The following KCNT2 variants were observed in gnomAD, a reference collection of about 807,000 sequenced individuals.
The protein encoded by KCNT2 is potassium sodium-activated channel subfamily T member 2.
A neutral mutation model predicts 153.8 loss-of-function variants in KCNT2; 67 were observed. The ratio of observed to expected loss-of-function variants is 0.44; its 90% CI spans 0.36 to 0.53. The LOEUF is 0.53. KCNT2 is among the 20% of genes least tolerant of loss of function. The pLI is 0.00. For missense variants in KCNT2, 975 were observed against 1,354.8 expected (o/e 0.72, Z 4.40); for synonymous variants, 500 against 458.8 (o/e 1.09, Z -1.15).
chr1:196,240,602 A>G (rs1053481928), intron 26 of KCNT2, among the ~76,000 whole-genome samples: 2 of 152,058 alleles, frequency 1.3e-5, no homozygotes, highest in Non-Finnish European at 2.9e-5. Context: ...AACAGATAGA[A>G]GGGCAAATGG....
intron 7 of KCNT2, among the ~76,000 whole-genome samples, chr1:196,466,354 A>T (rs758016196): frequency 6.6e-6 from 1 of 151,696 alleles, no homozygotes; most frequent in Non-Finnish European, 1.5e-5. Context: ...CACAGGCCAC[A>T]CTCTCCCACC....
chr1:196,443,795 A>G (rs1325753125), intron 8 of KCNT2, among the ~76,000 whole-genome samples: 1 of 151,532 alleles, frequency 6.6e-6, no homozygotes, highest in Non-Finnish European at 1.5e-5. Flanking sequence ...ATTTGAAAGG[A>G]TTTGGGCACA....
At chr1:196,265,142 T>C (rs1657415394) in intron 25 of KCNT2, among the ~76,000 whole-genome samples, 1 of 152,162 alleles carries the variant, frequency 6.6e-6, no homozygotes, top group Non-Finnish European at 1.5e-5. Context: ...TTGGGTATTA[T>C]CCCATCTATG....
At chr1:196,381,657 G>C (rs13313059) in intron 13 of KCNT2, among the ~76,000 whole-genome samples, 2,534 of 152,152 alleles carry the variant, frequency 0.017, 83 homozygotes, top group African/African-American at 0.057. Flanking sequence ...ACTTAAAATA[G>C]GTAACAGAAT....
At chr1:196,581,723 G>C (rs1204421140) in intron 1 of KCNT2, among the ~76,000 whole-genome samples, 3 of 152,026 alleles carry the variant, frequency 2.0e-5, no homozygotes, top group Non-Finnish European at 1.5e-5. Context: ...TCCCACTCAA[G>C]CATAAATTAA....
chr1:196,452,353 T>C (rs866313401), intron 8 of KCNT2, among the ~76,000 whole-genome samples: 1 of 151,964 alleles, frequency 6.6e-6, no homozygotes, highest in Non-Finnish European at 1.5e-5. Flanking sequence ...ATGCCTCTCA[T>C]TTTCTTTAGT....
chr1:196,397,936 C>A (rs1381892298), intron 13 of KCNT2, among the ~76,000 whole-genome samples: 1 of 150,760 alleles, frequency 6.6e-6, no homozygotes. Flanking sequence ...TCAACATTAG[C>A]GGTTTTTTTT....
At chr1:196,492,365 G>T in intron 1 of KCNT2, 24 bp from the exon 2 acceptor site, 1 of 1,322,046 alleles carries the variant, frequency 7.6e-7, no homozygotes, top group Admixed American at 3.0e-5. Context: ...ATAAAAACAT[G>T]TAAATGTATG....
intron 1 of KCNT2, among the ~76,000 whole-genome samples, chr1:196,511,126 C>G (rs1681589003): frequency 7.5e-6 from 1 of 132,940 alleles, no homozygotes; most frequent in African/African-American, 3.1e-5. Flanking sequence ...AACACACACA[C>G]ACACACACAC....
At chr1:196,334,487 C>CTTTCTTTTTTTTTTTTTTTTTTTT (rs1553288400) in intron 16 of KCNT2, among the ~76,000 whole-genome samples, 3 of 87,292 alleles carry the variant, frequency 3.4e-5, no homozygotes, top group South Asian at 5.1e-4. Flanking sequence ...TTCTTTCTTT[C>CTTTCTTTTTTTTTTTTTTTTTTTT]TTTTTTTTTT....
intron 22 of KCNT2, among the ~76,000 whole-genome samples, chr1:196,296,242 T>A (rs545614865): frequency 1.3e-5 from 2 of 151,776 alleles, no homozygotes; most frequent in Non-Finnish European, 2.9e-5. Context: ...TTGAAAAATA[T>A]TACATAAATA....
At chr1:196,294,155 T>A (rs564423851) in intron 22 of KCNT2, among the ~76,000 whole-genome samples, 2 of 152,082 alleles carry the variant, frequency 1.3e-5, no homozygotes, top group Non-Finnish European at 2.9e-5. Context: ...CAATAAGATA[T>A]CACCTCATAC....
At chr1:196,438,233 G>C (rs982148229) in intron 8 of KCNT2, among the ~76,000 whole-genome samples, 1 of 151,600 alleles carries the variant, frequency 6.6e-6, no homozygotes, top group Admixed American at 6.6e-5. Flanking sequence ...ATACACAAAA[G>C]TCTCATAAAG....
At chr1:196,330,447 C>A (rs1030992416) in intron 18 of KCNT2, among the ~76,000 whole-genome samples, 1 of 151,834 alleles carries the variant, frequency 6.6e-6, no homozygotes, top group Non-Finnish European at 1.5e-5. Context: ...TTAACTGTAA[C>A]TTCAAAACTT....
intron 26 of KCNT2, among the ~76,000 whole-genome samples, chr1:196,239,315 TA>T (rs1455009608): frequency 1.3e-5 from 2 of 151,966 alleles, no homozygotes; most frequent in East Asian, 3.9e-4. Context: ...ATTATTTTAA[TA>T]AAATTACTCA....
chr1:196,549,565 T>C (rs557268259), intron 1 of KCNT2, among the ~76,000 whole-genome samples: 37 of 151,974 alleles, frequency 2.4e-4, no homozygotes, highest in South Asian at 1.7e-3. Context: ...TCTAGTAATA[T>C]ACAGACAACC....
intron 12 of KCNT2, among the ~76,000 whole-genome samples, chr1:196,402,942 A>G (rs760735159): frequency 6.6e-6 from 1 of 151,696 alleles, no homozygotes; most frequent in Non-Finnish European, 1.5e-5. Context: ...ACAGATCAAC[A>G]GGAAGTTGCA....
At chr1:196,231,998 G>A (rs1026925318) in intron 27 of KCNT2, among the ~76,000 whole-genome samples, 4 of 151,742 alleles carry the variant, frequency 2.6e-5, no homozygotes, top group African/African-American at 7.2e-5. Context: ...AAGTGAGAAC[G>A]CTAATAAAGT....
At chr1:196,294,475 C>A (rs1329485312) in intron 22 of KCNT2, among the ~76,000 whole-genome samples, 1 of 151,976 alleles carries the variant, frequency 6.6e-6, no homozygotes, top group Non-Finnish European at 1.5e-5. Context: ...AGGGTTTCAC[C>A]ATGTTGGCCA....
Sources: gnomAD v4.1 joint callset for allele counts (sites outside exome capture counted in the v4.1 genomes callset) on GRCh38, gnomAD v4.1.1 for gene constraint, MANE v1.5 for transcripts, NCBI Gene and HGNC (gene_info 2026-07-23, HGNC 2026-07-21) for gene names.